Variants in DHRSX observed in about 807,000 individuals in gnomAD.
DHRSX encodes polyprenol dehydrogenase.
DHRSX carries 31 observed loss-of-function variants against 34.0 expected under a neutral mutation model. The ratio of observed to expected loss-of-function variants is 0.91; its 90% CI spans 0.69 to 1.23. The LOEUF is 1.23. DHRSX is among the 50% of genes most tolerant of loss of function. DHRSX has a pLI of 0.00. For synonymous variants in DHRSX, 201 were observed against 183.8 expected, an observed-to-expected ratio of 1.09 and a Z score of -0.76; for missense variants, 414 against 428.1, an observed-to-expected ratio of 0.97 and a Z score of 0.29.
chrX:2,272,856 A>G (rs1220905039), intron 4 of DHRSX, among the ~76,000 whole-genome samples: 1 of 152,244 alleles, frequency 6.6e-6, no homozygotes, highest in Non-Finnish European at 1.5e-5. Context: ...AAGTGAATTC[A>G]TACAAGCTGT....
intron 1 of DHRSX, among the ~76,000 whole-genome samples, chrX:2,459,352 T>G (rs1231250069): frequency 6.6e-6 from 1 of 151,922 alleles, no homozygotes; most frequent in Non-Finnish European, 1.5e-5. Flanking sequence ...AATTAGCTTG[T>G]TAATATGTTA....
intron 3 of DHRSX, among the ~76,000 whole-genome samples, chrX:2,316,997 G>T (rs183844085): frequency 6.6e-6 from 1 of 152,082 alleles, no homozygotes; most frequent in Admixed American, 6.6e-5. Context: ...TCCCTCTGTC[G>T]CCCAGGCTGG....
intron 3 of DHRSX, among the ~76,000 whole-genome samples, chrX:2,365,817 G>A (rs985883469): frequency 6.6e-6 from 1 of 152,062 alleles, no homozygotes; most frequent in African/African-American, 2.4e-5. Context: ...GGCAAGGGGA[G>A]GGAGAGCATT....
chrX:2,410,694 A>C (rs1444806170), intron 2 of DHRSX, among the ~76,000 whole-genome samples: 2 of 152,248 alleles, frequency 1.3e-5, no homozygotes, highest in African/African-American at 2.4e-5. Context: ...TTTTCAAAAA[A>C]CAATGAAAAT....
intron 3 of DHRSX, among the ~76,000 whole-genome samples, chrX:2,360,942 G>T (rs2042925747): frequency 6.6e-6 from 1 of 152,060 alleles, no homozygotes; most frequent in African/African-American, 2.4e-5. Context: ...GGATGGAGCT[G>T]GAATTTGGGG....
At chrX:2,317,707 C>T (rs2042257683) in intron 3 of DHRSX, among the ~76,000 whole-genome samples, 1 of 152,060 alleles carries the variant, frequency 6.6e-6, no homozygotes, top group Admixed American at 6.6e-5. Flanking sequence ...TCTCTGAATA[C>T]ACATTTTACA....
intron 3 of DHRSX, among the ~76,000 whole-genome samples, chrX:2,302,635 AG>A (rs1569485583): frequency 2.0e-5 from 3 of 151,328 alleles, no homozygotes; most frequent in African/African-American, 7.3e-5. Context: ...AAATAAATAA[AG>A]TAATATATTG....
intron 1 of DHRSX, among the ~76,000 whole-genome samples, chrX:2,464,134 G>A (rs193011618): frequency 0.11 from 15,895 of 150,820 alleles, 975 homozygotes; most frequent in South Asian, 0.21. Context: ...CGCCATGTAC[G>A]CACTGAAGAC....
intron 5 of DHRSX, among the ~76,000 whole-genome samples, chrX:2,257,931 A>G (rs950845668): frequency 6.6e-6 from 1 of 152,002 alleles, no homozygotes; most frequent in Non-Finnish European, 1.5e-5. Context: ...CCGGCCGGAG[A>G]TGGGGTCTTT....
At chrX:2,225,540 G>A (rs2015638261) in intron 6 of DHRSX, among the ~76,000 whole-genome samples, 1 of 152,214 alleles carries the variant, frequency 6.6e-6, no homozygotes, top group African/African-American at 2.4e-5. Flanking sequence ...CAAGGAGAGA[G>A]GCCTCAGGAG....
chrX:2,314,657 T>C (rs1205544286), intron 3 of DHRSX, among the ~76,000 whole-genome samples: 2 of 151,938 alleles, frequency 1.3e-5, no homozygotes, highest in Non-Finnish European at 2.9e-5. Context: ...CAGAGTCACA[T>C]TGGAAAGTAA....
chrX:2,324,772 T>TTC lies in DHRSX; in HGVS notation c.287-33170_287-33169insGA, dbSNP rs1432313650. On this transcript the variant is annotated intron_variant, in intron 3 of 6. Transcript: ENST00000334651. Reference sequence around the variant, plus strand: ...CTCGGCAAGGCTTTTTTCTTTTCTTTTTTTTTTTTTTTTTGAGATGGAGTC... The same window carrying TTC: ...CTCGGCAAGGCTTTTTTCTTTTCTTTTCTTTTTTTTTTTTTTGAGATGGAGTC... Among the ~76,000 whole-genome samples the TTC allele has an allele frequency of 7.2e-4, 106 of 148,088 alleles. 1 individual carries two copies. The highest frequency in any genetic ancestry group is 2.4e-3 in the African/African-American group (98 of 40,380).
At chrX:2,346,213 T>TGGCATCTGGACACGCAGCTACAGAGG (rs2042708841) in intron 3 of DHRSX, among the ~76,000 whole-genome samples, 8 of 149,824 alleles carry the variant, frequency 5.3e-5, no homozygotes, top group Admixed American at 1.4e-4. Context: ...TCTCACTCCA[T>TGGCATCTGGACACGCAGCTACAGAGG]GGCATCTGGA....
At chrX:2,447,583 C>G (rs1280284888) in intron 1 of DHRSX, among the ~76,000 whole-genome samples, 1 of 152,000 alleles carries the variant, frequency 6.6e-6, no homozygotes, top group Non-Finnish European at 1.5e-5. Context: ...ACCTGCACCC[C>G]CTGTGCACTG....
At chrX:2,323,963 G>T (rs1423574523) in intron 3 of DHRSX, among the ~76,000 whole-genome samples, 3 of 150,728 alleles carry the variant, frequency 2.0e-5, no homozygotes. Context: ...AGGCTGAGAT[G>T]TGAGGATCAC....
At chrX:2,493,852 G>A (rs1420449423) in intron 1 of DHRSX, among the ~76,000 whole-genome samples, 1 of 152,068 alleles carries the variant, frequency 6.6e-6, no homozygotes, top group Non-Finnish European at 1.5e-5. Context: ...CATGCCTGTA[G>A]TCCCAGCTAC....
chrX:2,437,620 GA>G (rs1455408091), intron 1 of DHRSX, among the ~76,000 whole-genome samples: 3 of 16,726 alleles, frequency 1.8e-4, no homozygotes, highest in East Asian at 0.056. Context: ...AAAAGAAGAA[GA>G]AAAAAAAGCA....
intron 3 of DHRSX, among the ~76,000 whole-genome samples, chrX:2,344,068 T>G (rs1170290738): frequency 1.3e-5 from 2 of 152,130 alleles, no homozygotes; most frequent in Non-Finnish European, 2.9e-5. Context: ...AAGGCTGAAC[T>G]TGTGAAAAGA....
At chrX:2,416,791 A>G (rs2043699954) in intron 2 of DHRSX, among the ~76,000 whole-genome samples, 1 of 152,192 alleles carries the variant, frequency 6.6e-6, no homozygotes, top group Non-Finnish European at 1.5e-5. Context: ...AGTAATATTA[A>G]TGTGCTTCAG....
Sources: allele counts gnomAD v4.1 joint callset (sites outside exome capture counted in the v4.1 genomes callset), GRCh38; gene constraint gnomAD v4.1.1; transcripts MANE v1.5; gene names NCBI Gene and HGNC (gene_info 2026-07-23, HGNC 2026-07-21).